KANTR: variants seen among roughly 807,000 people sequenced by gnomAD.
KANTR encodes KDM5C adjacent transcript.
At chrX:53,096,300 A>G (rs1932844577) in intron 1 of KANTR, among the ~76,000 whole-genome samples, 2 of 112,477 alleles carry the variant, frequency 1.8e-5, no homozygotes, top group African/African-American at 6.5e-5. Context: ...ATTACCTAAA[A>G]TAGTGCTTGA....
chrX:53,098,663 G>T (rs1346085679), intron 1 of KANTR, among the ~76,000 whole-genome samples: 2 of 111,717 alleles, frequency 1.8e-5, no homozygotes, highest in Non-Finnish European at 3.8e-5. Flanking sequence ...ACCAGGAGTA[G>T]ATTTCATCCC....
chrX:53,100,279 G>A (rs1338426200), intron 2 of KANTR, among the ~76,000 whole-genome samples: 1 of 109,558 alleles, frequency 9.1e-6, no homozygotes, highest in African/African-American at 3.3e-5. Context: ...TTGGGAGTTC[G>A]AGACCAGGCT....
intron 2 of KANTR, among the ~76,000 whole-genome samples, chrX:53,111,547 C>A (rs782785643): frequency 1.5e-4 from 17 of 111,860 alleles, no homozygotes; most frequent in Non-Finnish European, 3.2e-4. Context: ...TACACACCAC[C>A]ATTACAGTAT....
chrX:53,105,896 C>T (rs1247319795), intron 2 of KANTR, among the ~76,000 whole-genome samples: 45 of 82,351 alleles, frequency 5.5e-4, no homozygotes, highest in Non-Finnish European at 8.1e-4. Flanking sequence ...CTCGCTCTGT[C>T]GCCCAGGGTG....
chrX:53,106,768 G>C (rs1556812888), intron 2 of KANTR, among the ~76,000 whole-genome samples: 1 of 110,046 alleles, frequency 9.1e-6, no homozygotes, highest in Non-Finnish European at 1.9e-5. Context: ...TGGATATCTA[G>C]TTTTCTGAGC....
chrX:53,110,883 A>G (rs1933027468), intron 2 of KANTR, among the ~76,000 whole-genome samples: 2 of 108,591 alleles, frequency 1.8e-5, no homozygotes, highest in African/African-American at 6.7e-5. Context: ...AGATTGCGCC[A>G]CTGCACTCCA....
intron 2 of KANTR, among the ~76,000 whole-genome samples, chrX:53,110,588 A>G (rs984051822): frequency 9.0e-6 from 1 of 111,395 alleles, no homozygotes; most frequent in East Asian, 2.8e-4. Context: ...CTTTTCCTCT[A>G]GTGTCATTGT....
downstream of KANTR, among the ~76,000 whole-genome samples, chrX:53,130,224 C>T (rs1933344877): frequency 8.9e-6 from 1 of 112,295 alleles, no homozygotes; most frequent in South Asian, 3.7e-4. Flanking sequence ...GTGAGAAACT[C>T]ACTGACACCA....
chrX:53,144,172 A>G (rs1341822300), downstream of KANTR, among the ~76,000 whole-genome samples: 1 of 111,671 alleles, frequency 9.0e-6, no homozygotes, highest in Admixed American at 9.5e-5. Flanking sequence ...AGGAGGGTGG[A>G]TTAGTTGAGG....
downstream of KANTR, among the ~76,000 whole-genome samples, chrX:53,128,990 C>T (rs1413597493): frequency 9.1e-5 from 10 of 109,910 alleles, no homozygotes; most frequent in Non-Finnish European, 1.9e-4. Flanking sequence ...TGCTTAAATA[C>T]TCATTTACCT....
chrX:53,100,637 A>T (rs1932883763), intron 2 of KANTR, among the ~76,000 whole-genome samples: 1 of 110,823 alleles, frequency 9.0e-6, no homozygotes, highest in South Asian at 3.8e-4. Context: ...GTCTCTACTA[A>T]AAGTACAAAA....
chrX:53,116,215 G>T (rs1232169842), intron 2 of KANTR, among the ~76,000 whole-genome samples: 2 of 111,852 alleles, frequency 1.8e-5, no homozygotes, highest in African/African-American at 6.5e-5. Context: ...TGATTGGTCA[G>T]AATGTATCCT....
At chrX:53,107,916 G>C (rs975951668) in intron 2 of KANTR, among the ~76,000 whole-genome samples, 2 of 108,920 alleles carry the variant, frequency 1.8e-5, no homozygotes, top group Admixed American at 2.0e-4. Flanking sequence ...CTGAGACGGA[G>C]TCTCACTCTG....
intron 1 of KANTR, among the ~76,000 whole-genome samples, chrX:53,096,027 T>C (rs1932842739): frequency 9.0e-6 from 1 of 110,655 alleles, no homozygotes. Flanking sequence ...TTTCCTCAAA[T>C]ACCCACAAGG....
downstream of KANTR, among the ~76,000 whole-genome samples, chrX:53,144,876 C>G (rs1933551966): frequency 8.9e-6 from 1 of 111,932 alleles, no homozygotes; most frequent in Non-Finnish European, 1.9e-5. Flanking sequence ...ATGTAAATCT[C>G]AGTTCAGCCA....
chrX:53,096,851 G>A (rs782394564), intron 1 of KANTR, among the ~76,000 whole-genome samples: 45 of 106,606 alleles, frequency 4.2e-4, no homozygotes, highest in Non-Finnish European at 8.1e-4. Context: ...AAAATGGGTC[G>A]GGCACTGTGG....
chrX:53,128,999 C>T (rs1161804311), downstream of KANTR, among the ~76,000 whole-genome samples: 4 of 108,763 alleles, frequency 3.7e-5, no homozygotes, highest in African/African-American at 1.3e-4. Flanking sequence ...ACTCATTTAC[C>T]TTTTATTTGC....
chrX:53,097,686 T>C (rs1932856082), intron 1 of KANTR, among the ~76,000 whole-genome samples: 1 of 108,361 alleles, frequency 9.2e-6, no homozygotes, highest in Non-Finnish European at 1.9e-5. Flanking sequence ...TTTCAAACTT[T>C]TAAAAAGCTT....
intron 2 of KANTR, among the ~76,000 whole-genome samples, chrX:53,115,115 C>T (rs1322026390): frequency 8.9e-6 from 1 of 112,316 alleles, no homozygotes; most frequent in Non-Finnish European, 1.9e-5. Context: ...GAGTCTGTGT[C>T]TGTGTGTGCC....
Sources: allele counts gnomAD v4.1 joint callset (sites outside exome capture counted in the v4.1 genomes callset), GRCh38; gene constraint gnomAD v4.1.1; transcripts MANE v1.5; gene names NCBI Gene and HGNC (gene_info 2026-07-23, HGNC 2026-07-21).